The following ZMYM2 variants were observed in gnomAD, a reference collection of about 807,000 sequenced individuals.
ZMYM2 encodes the protein zinc finger MYM-type containing 2, also known as zinc finger MYM-type protein 2.
Under a neutral mutation model 162.8 loss-of-function variants are expected in ZMYM2, and 56 were observed. That is an observed-to-expected ratio of 0.34 (90% CI 0.28 to 0.43). The LOEUF is 0.43. Ranked by LOEUF, ZMYM2 falls within the 20% of genes least tolerant of loss-of-function variation. The probability of loss-of-function intolerance (pLI) is 1.00; values close to 1 mark genes in which losing one functional copy is unlikely to be tolerated. For synonymous variants in ZMYM2, 510 were observed against 541.6 expected, an observed-to-expected ratio of 0.94 and a Z score of 0.81; for missense variants, 1,275 against 1,621.8, an observed-to-expected ratio of 0.79 and a Z score of 3.67.
the ZMYM2 span, among the ~76,000 whole-genome samples, chr13:19,940,181 G>T: frequency 6.6e-6 from 1 of 152,092 alleles, no homozygotes; most frequent in African/African-American, 2.4e-5. Flanking sequence ...AATTTTAAAA[G>T]AAAGAAAGAA....
chr13:19,942,521 A>C, the ZMYM2 span, among the ~76,000 whole-genome samples: 1 of 149,356 alleles, frequency 6.7e-6, no homozygotes, highest in Non-Finnish European at 1.5e-5. Flanking sequence ...TGGGCAACAT[A>C]GGGAGATACC....
At chr13:19,986,371 C>CA (rs113580487) in intron 2 of ZMYM2, among the ~76,000 whole-genome samples, 15,257 of 142,086 alleles carry the variant, frequency 0.11, 1,268 homozygotes, top group African/African-American at 0.23. Flanking sequence ...CAAACAAAAA[C>CA]AAAAAAAAAA....
At chr13:20,080,182 C>G (rs1202202175) in intron 21 of ZMYM2, among the ~76,000 whole-genome samples, 1 of 152,158 alleles carries the variant, frequency 6.6e-6, no homozygotes, top group Non-Finnish European at 1.5e-5. Context: ...AGGGGAGAAA[C>G]CTAGCATTGT....
rs773657609 is a variant in ZMYM2, at chr13:20,003,069, C to G, written c.1067C>G (p.Ser356Cys). The G allele has an allele frequency of 3.7e-6, 6 of 1,614,108 alleles. No homozygotes were observed. The highest frequency in any genetic ancestry group is 5.1e-6 in the Non-Finnish European group (6 of 1,180,038). Residue 356 changes from serine to cysteine, a missense_variant, in exon 4 of 25, where the codon TCT becomes TGT. Transcript: ENST00000610343. ...QRKGSAHLFC[S>C]TTCLSSFSHK... is the part of the protein sequence containing the mutation. Reference sequence around the variant, plus strand: ...AAAGGATCAGCTCACCTCTTTTGTTCTACCACCTGCCTTTCTTCCTTCTCC... The same window carrying G: ...AAAGGATCAGCTCACCTCTTTTGTTGTACCACCTGCCTTTCTTCCTTCTCC...
upstream of ZMYM2, among the ~76,000 whole-genome samples, chr13:19,955,843 T>C (rs1954499976): frequency 6.6e-6 from 1 of 152,156 alleles, no homozygotes; most frequent in Admixed American, 6.5e-5. Flanking sequence ...AGAGAGAAGG[T>C]AAGTTTCTGA....
At chr13:19,872,133 C>CT in the ZMYM2 span, among the ~76,000 whole-genome samples, 1 of 150,394 alleles carries the variant, frequency 6.6e-6, no homozygotes, top group Non-Finnish European at 1.5e-5. Context: ...CCATGTCTGG[C>CT]TAAGTTCTTT....
At chr13:20,055,991 T>TTA in intron 14 of ZMYM2, among the ~76,000 whole-genome samples, 1 of 152,146 alleles carries the variant, frequency 6.6e-6, no homozygotes, top group Non-Finnish European at 1.5e-5. Context: ...CTACGAAGTG[T>TTA]TATACAGGGA....
At chr13:19,937,597 G>C in the ZMYM2 span, among the ~76,000 whole-genome samples, 5 of 146,274 alleles carry the variant, frequency 3.4e-5, no homozygotes, top group Admixed American at 6.9e-5. Flanking sequence ...TTTTTTTTTA[G>C]AAATATGGAA....
intron 17 of ZMYM2, 71 bp downstream of exon 17, chr13:20,061,295 T>A: frequency 6.7e-7 from 1 of 1,495,386 alleles, no homozygotes; most frequent in Non-Finnish European, 9.0e-7. Context: ...GTTACAGTAC[T>A]TTCCAGGGCA....
At chr13:19,974,178 C>T (rs980333756) in intron 2 of ZMYM2, among the ~76,000 whole-genome samples, 9 of 152,210 alleles carry the variant, frequency 5.9e-5, no homozygotes, top group Non-Finnish European at 1.2e-4. Context: ...TCTTCTTCCT[C>T]TGATTCATCT....
upstream of ZMYM2, among the ~76,000 whole-genome samples, chr13:19,958,224 G>A (rs1954693448): frequency 6.6e-6 from 1 of 152,188 alleles, no homozygotes; most frequent in Admixed American, 6.5e-5. Context: ...CCCTCGCAGG[G>A]GCCTTCAAGC....
At chr13:20,010,985 A>C (rs543802192) in intron 6 of ZMYM2, among the ~76,000 whole-genome samples, 1 of 151,940 alleles carries the variant, frequency 6.6e-6, no homozygotes, top group Non-Finnish European at 1.5e-5. Context: ...TACGTAGGGG[A>C]TACAGAGTGA....
intron 12 of ZMYM2, among the ~76,000 whole-genome samples, chr13:20,049,396 T>C (rs1955109449): frequency 6.6e-6 from 1 of 151,942 alleles, no homozygotes; most frequent in South Asian, 2.1e-4. Flanking sequence ...AGGTGGAATG[T>C]GTTTAATTTT....
chr13:19,967,390 C>T (rs1157670152), intron 2 of ZMYM2, among the ~76,000 whole-genome samples: 4 of 151,758 alleles, frequency 2.6e-5, no homozygotes. Flanking sequence ...TGCAGATTTT[C>T]TGCCAAAAAA....
intron 24 of ZMYM2, 146 bp from the exon 25 acceptor site, chr13:20,085,676 T>G: frequency 1.8e-6 from 1 of 570,734 alleles, no homozygotes. Context: ...TGAGAATATT[T>G]TAATGACAGA....
At chr13:19,935,776 A>T in the ZMYM2 span, among the ~76,000 whole-genome samples, 24 of 152,116 alleles carry the variant, frequency 1.6e-4, no homozygotes, top group African/African-American at 5.8e-4. Context: ...CCCTTATAGG[A>T]TACAGAGTAA....
chr13:20,001,519 A>G (rs1950390833), intron 3 of ZMYM2, among the ~76,000 whole-genome samples: 1 of 152,150 alleles, frequency 6.6e-6, no homozygotes, highest in Non-Finnish European at 1.5e-5. Context: ...CTTGAGATGA[A>G]TCTATTCCTG....
chr13:19,991,297 T>C (rs1018966655), intron 2 of ZMYM2, among the ~76,000 whole-genome samples: 7 of 151,854 alleles, frequency 4.6e-5, no homozygotes, highest in Non-Finnish European at 5.9e-5. Context: ...AATTTTAGTA[T>C]TTAGTAGATT....
intron 2 of ZMYM2, among the ~76,000 whole-genome samples, chr13:19,988,207 G>GT (rs1949332596): frequency 6.6e-6 from 1 of 152,302 alleles, no homozygotes; most frequent in South Asian, 2.1e-4. Context: ...GTAAAATACT[G>GT]TATGTTTTTG....
Sources: allele counts gnomAD v4.1 joint callset (sites outside exome capture counted in the v4.1 genomes callset), GRCh38; gene constraint gnomAD v4.1.1; transcripts MANE v1.5; gene names NCBI Gene and HGNC (gene_info 2026-07-23, HGNC 2026-07-21).